UHRF2: variants seen among roughly 807,000 people sequenced by gnomAD.
UHRF2 encodes ubiquitin like with PHD and ring finger domains 2.
UHRF2 carries 23 observed loss-of-function variants against 96.8 expected under a neutral mutation model. The ratio of observed to expected loss-of-function variants is 0.24; its 90% CI spans 0.17 to 0.34. The LOEUF (loss-of-function observed/expected upper bound fraction) is 0.34. Among genes scored for constraint, UHRF2 ranks in the 10% least tolerant of loss-of-function variants. The probability of loss-of-function intolerance (pLI) is 1.00; values close to 1 mark genes in which losing one functional copy is unlikely to be tolerated. For missense variants in UHRF2, 685 were observed against 981.5 expected, an observed-to-expected ratio of 0.70 and a Z score of 4.04; for synonymous variants, 385 against 332.6, an observed-to-expected ratio of 1.16 and a Z score of -1.72.
chr9:6,436,499 G>C (rs563594730), intron 3 of UHRF2, among the ~76,000 whole-genome samples: 2 of 152,288 alleles, frequency 1.3e-5, no homozygotes, highest in African/African-American at 4.8e-5. Flanking sequence ...ATTTGTTGTG[G>C]AAAGGGGAGA....
At chr9:6,445,981 C>CCT (rs1554624504) in intron 3 of UHRF2, among the ~76,000 whole-genome samples, 10 of 78,892 alleles carry the variant, frequency 1.3e-4, no homozygotes, top group East Asian at 1.1e-3. Flanking sequence ...CCCCGCCACC[C>CCT]TTTTTTTTTT....
chr9:6,471,498 T>A (rs1217110582), intron 4 of UHRF2, among the ~76,000 whole-genome samples: 1 of 152,192 alleles, frequency 6.6e-6, no homozygotes, highest in Non-Finnish European at 1.5e-5. Context: ...AAGATGAGGT[T>A]TTAAAAAGAT....
chr9:6,484,035 G>A (rs1217471933), intron 8 of UHRF2, among the ~76,000 whole-genome samples: 2 of 150,488 alleles, frequency 1.3e-5, no homozygotes, highest in Non-Finnish European at 3.0e-5. Flanking sequence ...TAAAATTTTA[G>A]TTGTCTCCTA....
chr9:6,452,344 AGT>A (rs1290255302), intron 3 of UHRF2, among the ~76,000 whole-genome samples: 7 of 152,236 alleles, frequency 4.6e-5, no homozygotes, highest in Non-Finnish European at 1.0e-4. Context: ...ATGTATAGAC[AGT>A]GTTTCTGGTA....
At chr9:6,467,261 A>G (rs915384056) in intron 4 of UHRF2, among the ~76,000 whole-genome samples, 1 of 152,148 alleles carries the variant, frequency 6.6e-6, no homozygotes, top group Non-Finnish European at 1.5e-5. Context: ...AAAGCCAACG[A>G]TGTTGCTTCT....
rs115686021 is a variant in UHRF2 at position 6,467,920 on chromosome 9, A to G, written c.863+7129A>G. Among the ~76,000 whole-genome samples, 867 of 152,040 alleles carry G rather than the reference A, an allele frequency of 5.7e-3. 6 individuals are homozygous for G. Among genetic ancestry groups the G allele is most frequent in the African/African-American group, 0.02 (820 of 41,442 alleles). On this transcript the variant is annotated intron_variant, in intron 4 of 15. Coordinates refer to ENST00000276893, the MANE Select transcript of UHRF2 (RefSeq NM_152896.3). ...ATCTGCAAGGTGTGGTTTATTTCTC[A>G]TTTTAACTGTGAGAATGGGTTGGTG... is the stretch of plus-strand genomic sequence containing the variant.
Position 6,499,905 on chromosome 9 carries a change from G to T in UHRF2, c.1979G>T (p.Gly660Val). 2 of 1,611,530 alleles carry T rather than the reference G, an allele frequency of 1.2e-6. No homozygotes were observed. The highest frequency in any genetic ancestry group is 1.1e-5 in the South Asian group (1 of 90,924). ...GGACAGTCAAAGAAGCAGCCCAGTG[G>T]AACCACAAAAAGGCCAATTTCAGAT... ...PKGQSKKQPSGTTKRPISDDD... is the reference protein window; with the variant it reads ...PKGQSKKQPSVTTKRPISDDD... The change falls in exon 13 of 16, where the codon GGA (glycine) becomes GTA (valine). Residue 660 changes from glycine (G) to valine (V), a missense_variant. By Grantham distance (109) the Gly-to-Val change is moderately radical. Transcript: ENST00000276893.
intron 9 of UHRF2, among the ~76,000 whole-genome samples, chr9:6,493,295 T>C (rs13301146): frequency 0.27 from 40,383 of 147,684 alleles, 6,210 homozygotes; most frequent in African/African-American, 0.46. Context: ...AAGACTCTGT[T>C]TAAAAAAAAA....
intron 10 of UHRF2, chr9:6,495,356 A>G (rs568271475): frequency 1.6e-3 from 249 of 152,352 alleles, no homozygotes; most frequent in African/African-American, 5.7e-3. Context: ...AGACTTTAAC[A>G]TCTGGTCAGT....
intron 1 of UHRF2, among the ~76,000 whole-genome samples, chr9:6,414,429 A>G (rs1236680835): frequency 6.6e-6 from 1 of 152,240 alleles, no homozygotes; most frequent in East Asian, 1.9e-4. Context: ...CTTTAAGCAT[A>G]GCACTGCAGC....
In UHRF2 at chr9:6,493,821, G is replaced by T. The variant is rs534079585; in HGVS notation, c.1498-5G>T. 4.4e-6 allele frequency: 7 copies of T among 1,607,068 alleles called. No homozygotes were observed. In the East Asian group the frequency reaches 1.3e-4, roughly 31 times the overall value. On this transcript the variant is annotated splice_polypyrimidine_tract_variant and splice_region_variant and intron_variant, in intron 9 of 15. Transcript: ENST00000276893. ...TTTCTTAATAAAGAAAATCTTCTCTGACAGGACCGAGGTGATGAGTTCACA... is the reference window on the plus strand; with the variant it reads ...TTTCTTAATAAAGAAAATCTTCTCTTACAGGACCGAGGTGATGAGTTCACA...
At chr9:6,456,046 G>T (rs1563770493) in intron 3 of UHRF2, among the ~76,000 whole-genome samples, 1 of 152,126 alleles carries the variant, frequency 6.6e-6, no homozygotes, top group Admixed American at 6.5e-5. Context: ...TTCAGGTCAG[G>T]TTAGGTTTGT....
chr9:6,432,694 C>T (rs1820621752), intron 2 of UHRF2, among the ~76,000 whole-genome samples: 1 of 152,154 alleles, frequency 6.6e-6, no homozygotes, highest in African/African-American at 2.4e-5. Flanking sequence ...TATTAGACAC[C>T]TTAAGAGTGG....
chr9:6,435,110 C>T (rs1354755464), intron 3 of UHRF2, among the ~76,000 whole-genome samples: 1 of 152,048 alleles, frequency 6.6e-6, no homozygotes, highest in Non-Finnish European at 1.5e-5. Context: ...TCTCCTGCCT[C>T]AGCCTCCCGA....
At chr9:6,425,804 G>A (rs1360425721) in intron 2 of UHRF2, among the ~76,000 whole-genome samples, 1 of 152,032 alleles carries the variant, frequency 6.6e-6, no homozygotes, top group Admixed American at 6.6e-5. Flanking sequence ...CTCGGCTCTA[G>A]GTATGCTTCT....
At position 6,445,981 on chromosome 9, in the gene UHRF2, C is replaced by CTTTGTTTTTTTTTTTT. The variant is rs751155835; in HGVS notation, c.644+11811_644+11812insGTTTTTTTTTTTTTTT. Among the ~76,000 whole-genome samples, 113 of 78,894 alleles carry CTTTGTTTTTTTTTTTT rather than the reference C, an allele frequency of 1.4e-3. 7 individuals are homozygous for CTTTGTTTTTTTTTTTT. The highest frequency in any genetic ancestry group is 5.7e-3 in the African/African-American group (109 of 19,048). 51.8% of individuals were successfully genotyped at this position (78,894 alleles called of 152,430 possible). On this transcript the variant is annotated intron_variant, in intron 3 of 15. Coordinates refer to ENST00000276893, the MANE Select transcript of UHRF2 (RefSeq NM_152896.3). Reference sequence around the variant, plus strand: ...TAAATACTCTTCCCCCCCCGCCACCCTTTTTTTTTTTTTTTTTTTCCTGTT... The same window carrying CTTTGTTTTTTTTTTTT: ...TAAATACTCTTCCCCCCCCGCCACCCTTTGTTTTTTTTTTTTTTTTTTTTTTTTTTTTTTTCCTGTT...
intron 1 of UHRF2, among the ~76,000 whole-genome samples, chr9:6,420,373 G>A (rs891955006): frequency 8.2e-5 from 12 of 147,100 alleles, no homozygotes; most frequent in African/African-American, 3.0e-4. Flanking sequence ...TTGTTTTAAT[G>A]GCTAGCAGTG....
chr9:6,462,656 T>G (rs1331318907), intron 4 of UHRF2, among the ~76,000 whole-genome samples: 2 of 152,148 alleles, frequency 1.3e-5, no homozygotes, highest in Admixed American at 1.3e-4. Context: ...CAGTGGCTCA[T>G]GCCTGTAATC....
chr9:6,473,005 G>A (rs374310514), intron 4 of UHRF2, among the ~76,000 whole-genome samples: 1 of 152,140 alleles, frequency 6.6e-6, no homozygotes, highest in Non-Finnish European at 1.5e-5. Context: ...AATGTATAGG[G>A]TACAAACAGT....
Sources: gnomAD v4.1 joint callset for allele counts (sites outside exome capture counted in the v4.1 genomes callset) on GRCh38, gnomAD v4.1.1 for gene constraint, MANE v1.5 for transcripts, NCBI Gene and HGNC (gene_info 2026-07-23, HGNC 2026-07-21) for gene names.